BIRC6: variants seen among roughly 807,000 people sequenced by gnomAD.
BIRC6 encodes the protein baculoviral IAP repeat containing 6.
In BIRC6, 98 loss-of-function variants were observed where a neutral mutation model predicts 503.3. The ratio of observed to expected loss-of-function variants is 0.19; its 90% CI spans 0.17 to 0.23. BIRC6 has a LOEUF of 0.23. Ranked by LOEUF, BIRC6 falls within the 10% of genes least tolerant of loss-of-function variation. The probability of loss-of-function intolerance (pLI) is 1.00; values close to 1 mark genes in which losing one functional copy is unlikely to be tolerated. For synonymous variants in BIRC6, 2,240 were observed against 2,078.7 expected (o/e 1.08, Z -2.11); for missense variants, 5,360 against 5,806.0 (o/e 0.92, Z 2.50).
intron 54 of BIRC6, 72 bp downstream of exon 54, chr2:32,513,226 AT>A (rs1379416894): frequency 1.7e-5 from 18 of 1,068,694 alleles, no homozygotes; most frequent in Admixed American, 2.3e-5. Context: ...ATAAAACAAA[AT>A]ATTTTACATG....
intron 22 of BIRC6, 135 bp from the exon 23 acceptor site, chr2:32,453,673 T>A: frequency 1.3e-6 from 1 of 779,164 alleles, no homozygotes; most frequent in Admixed American, 2.9e-5. Context: ...ACCATGCCCA[T>A]GATTCAAGCA....
intron 71 of BIRC6, among the ~76,000 whole-genome samples, chr2:32,605,401 G>T (rs1043426900): frequency 2.0e-5 from 3 of 152,100 alleles, no homozygotes; most frequent in Admixed American, 6.5e-5. Context: ...ATAAATAAAA[G>T]AGTCCTTTTT....
At position 32,561,197 on chromosome 2, in the gene BIRC6, C is replaced by CA. The variant is rs1173452879; in HGVS notation, c.13144+11729dup. ...TGGGTGACGGAGTGAGACTACATCT[C>CA]AAAAAAAAAAAAATTGACCTCCAAG... On this transcript the variant is annotated intron_variant, in intron 65 of 73. Coordinates refer to ENST00000421745, the MANE Select transcript of BIRC6 (RefSeq NM_016252.4). 6.5e-3 allele frequency among the ~76,000 whole-genome samples: 780 copies of CA among 119,976 alleles called. 5 individuals carry two copies. Among genetic ancestry groups the CA allele is most frequent in the African/African-American group, 0.019 (624 of 32,764 alleles). The allele number at this position is 119,976 out of a possible 152,430, so 78.7% of individuals were successfully genotyped here. A position where few individuals can be genotyped will look rare whatever the true frequency, so the allele number is the denominator to read the frequency against.
intron 73 of BIRC6, among the ~76,000 whole-genome samples, chr2:32,616,983 C>A (rs2063287865): frequency 6.6e-6 from 1 of 152,102 alleles, no homozygotes; most frequent in African/African-American, 2.4e-5. Flanking sequence ...GTAGTCCCAA[C>A]TACTTGGGAG....
chr2:32,359,444 A>T (rs2033701575), intron 1 of BIRC6, among the ~76,000 whole-genome samples: 2 of 152,238 alleles, frequency 1.3e-5, no homozygotes, highest in Non-Finnish European at 2.9e-5. Flanking sequence ...TTAGTGGTAG[A>T]TTACTAAAGA....
In BIRC6 at chr2:32,379,255, G is replaced by T. The variant is rs185983482; in HGVS notation, c.508-898G>T. 499 of 152,184 alleles carry T rather than the reference G, an allele frequency of 3.3e-3. 2 individuals carry two copies. The highest frequency in any genetic ancestry group is 0.012 in the African/African-American group (481 of 41,530). The allele number at this position is 152,184 out of a possible 1,614,324, so 9.4% of individuals were successfully genotyped here. A position where few individuals can be genotyped will look rare whatever the true frequency, so the allele number is the denominator to read the frequency against. ...TAGTTCTACTTGATTTGAACAAGTA[G>T]AAACTTTGAAAAACCATTTGAAAAA... On this transcript the variant is annotated intron_variant, in intron 2 of 73. Coordinates refer to ENST00000421745, the MANE Select transcript of BIRC6 (RefSeq NM_016252.4).
At chr2:32,469,300 T>A (rs2048881181) in intron 29 of BIRC6, 95 bp from the exon 30 acceptor site, 2 of 870,450 alleles carry the variant, frequency 2.3e-6, no homozygotes, top group Non-Finnish European at 3.5e-6. Flanking sequence ...ATCTACTGAT[T>A]ACTAGAAAAG....
chr2:32,602,977 A>G, intron 70 of BIRC6, 29 bp from the exon 71 acceptor site: 1 of 1,573,976 alleles, frequency 6.4e-7, no homozygotes, highest in Non-Finnish European at 8.6e-7. Flanking sequence ...TCTTTTTTCA[A>G]TTCTGTTTAT....
At chr2:32,491,002 C>G (rs933825637) in intron 43 of BIRC6, among the ~76,000 whole-genome samples, 15 of 152,296 alleles carry the variant, frequency 9.8e-5, no homozygotes, top group African/African-American at 3.6e-4. Flanking sequence ...CGTTAGTTCA[C>G]AGTTAACCTG....
chr2:32,367,584 GC>G (rs2035145062), intron 1 of BIRC6, among the ~76,000 whole-genome samples: 1 of 152,120 alleles, frequency 6.6e-6, no homozygotes, highest in East Asian at 1.9e-4. Flanking sequence ...CACTTGTGGG[GC>G]CAGGACAGGC....
At chr2:32,583,352 C>T (rs1292956695) in intron 66 of BIRC6, among the ~76,000 whole-genome samples, 4 of 152,200 alleles carry the variant, frequency 2.6e-5, no homozygotes, top group Admixed American at 6.5e-5. Context: ...AATTTACTAT[C>T]TTTCCTAATA....
chr2:32,602,422 A>G (rs2062126204), intron 70 of BIRC6: 1 of 152,236 alleles, frequency 6.6e-6, no homozygotes, highest in South Asian at 2.1e-4. Flanking sequence ...GTGGTACTAA[A>G]GCTGGGAGGG....
intron 20 of BIRC6, among the ~76,000 whole-genome samples, chr2:32,444,215 A>G (rs1047135080): frequency 4.6e-5 from 7 of 152,118 alleles, no homozygotes; most frequent in South Asian, 2.1e-4. Flanking sequence ...AGTGTTTGAT[A>G]GCACAGTAGG....
In BIRC6 at chr2:32,509,728, G is replaced by T. The variant is rs2054209022; in HGVS notation, c.9981-10G>T. On this transcript the variant is annotated splice_polypyrimidine_tract_variant and intron_variant, in intron 51 of 73. Coordinates refer to ENST00000421745, the MANE Select transcript of BIRC6 (RefSeq NM_016252.4). ...TTATATTGATCATACAAGTCATTTTGTATTTTCAGTATTGGATGGTTACGG... is the reference window on the plus strand; with the variant it reads ...TTATATTGATCATACAAGTCATTTTTTATTTTCAGTATTGGATGGTTACGG... The T allele has an allele frequency of 2.5e-6, 4 of 1,613,450 alleles. No homozygotes were observed. Among genetic ancestry groups the T allele is most frequent in the Non-Finnish European group, 3.4e-6 (4 of 1,179,794 alleles).
At chr2:32,429,923 A>G (rs2043913963) in intron 11 of BIRC6, among the ~76,000 whole-genome samples, 2 of 152,176 alleles carry the variant, frequency 1.3e-5, no homozygotes, top group Admixed American at 1.3e-4. Context: ...CTCATATTTT[A>G]TAGGTTATTG....
intron 6 of BIRC6, among the ~76,000 whole-genome samples, chr2:32,399,701 A>G (rs1401524733): frequency 6.6e-6 from 1 of 152,236 alleles, no homozygotes; most frequent in Non-Finnish European, 1.5e-5. Context: ...GATCCTGCTT[A>G]CAATATTTGA....
At chr2:32,411,749 G>C (rs918676308) in intron 9 of BIRC6, among the ~76,000 whole-genome samples, 3 of 152,134 alleles carry the variant, frequency 2.0e-5, no homozygotes, top group Non-Finnish European at 4.4e-5. Flanking sequence ...AAAGTACTGG[G>C]ATTACAGGTG....
At chr2:32,546,641 T>C (rs946671980) in intron 63 of BIRC6, among the ~76,000 whole-genome samples, 3 of 151,958 alleles carry the variant, frequency 2.0e-5, no homozygotes, top group Non-Finnish European at 4.4e-5. Context: ...TAATAATACA[T>C]CATGGGGTCA....
At chr2:32,374,674 G>A (rs2036484978) in intron 1 of BIRC6, among the ~76,000 whole-genome samples, 1 of 151,888 alleles carries the variant, frequency 6.6e-6, no homozygotes, top group Non-Finnish European at 1.5e-5. Flanking sequence ...GGGTTTCACT[G>A]TGTTAGCCAG....
Sources: gnomAD v4.1 joint callset for allele counts (sites outside exome capture counted in the v4.1 genomes callset) on GRCh38, gnomAD v4.1.1 for gene constraint, MANE v1.5 for transcripts, NCBI Gene and HGNC (gene_info 2026-07-23, HGNC 2026-07-21) for gene names.